The following TCF12 variants were observed in gnomAD, a reference collection of about 807,000 sequenced individuals.
TCF12 encodes transcription factor 12, also known as DNA-binding protein HTF4.
A neutral mutation model predicts 86.0 loss-of-function variants in TCF12; 45 were observed. The ratio of observed to expected loss-of-function variants is 0.52; its 90% CI spans 0.41 to 0.67. The LOEUF (loss-of-function observed/expected upper bound fraction) is 0.67. TCF12 is among the 30% of genes least tolerant of loss of function. The probability of loss-of-function intolerance (pLI) is 0.00; values close to 1 mark genes in which losing one functional copy is unlikely to be tolerated. For missense variants in TCF12, 881 were observed against 859.9 expected, an observed-to-expected ratio of 1.02 and a Z score of -0.31; for synonymous variants, 330 against 299.6, an observed-to-expected ratio of 1.10 and a Z score of -1.05.
intron 4 of TCF12, among the ~76,000 whole-genome samples, chr15:57,085,219 C>T (rs1475239540): frequency 6.6e-6 from 1 of 152,092 alleles, no homozygotes; most frequent in African/African-American, 2.4e-5. Flanking sequence ...ATGCTAGTCT[C>T]TTTTTGGATT....
chr15:57,269,441 T>C (rs1279871878), intron 18 of TCF12, among the ~76,000 whole-genome samples: 1 of 148,356 alleles, frequency 6.7e-6, no homozygotes, highest in Non-Finnish European at 1.5e-5. Context: ...ATTTTGAGCC[T>C]ATGTGTATCT....
chr15:57,015,640 G>A (rs535131816), intron 3 of TCF12, among the ~76,000 whole-genome samples: 1 of 152,306 alleles, frequency 6.6e-6, no homozygotes, highest in African/African-American at 2.4e-5. Context: ...TGTCTCTGGA[G>A]TGTCCATTTG....
intron 3 of TCF12, among the ~76,000 whole-genome samples, chr15:56,923,138 A>G (rs1167434148): frequency 6.6e-6 from 1 of 152,062 alleles, no homozygotes; most frequent in Non-Finnish European, 1.5e-5. Flanking sequence ...CATTTGACTT[A>G]TGAAAACTAG....
intron 3 of TCF12, among the ~76,000 whole-genome samples, chr15:56,954,000 T>C (rs57637767): frequency 0.014 from 2,067 of 152,136 alleles, 54 homozygotes; most frequent in African/African-American, 0.043. Context: ...AGGTACATTA[T>C]GAGGTCATCA....
rs561330662 is a variant in TCF12, at chr15:57,284,328, C to T, written c.*11+1730C>T. 4.6e-5 allele frequency among the ~76,000 whole-genome samples: 7 copies of T among 152,144 alleles called. No homozygotes were observed. In the South Asian group the frequency reaches 1.5e-3, roughly 32 times the overall value. On this transcript the variant is annotated intron_variant, in intron 20 of 20. Coordinates refer to ENST00000333725, the MANE Select transcript of TCF12 (RefSeq NM_207037.2). The stretch of plus-strand genomic sequence containing the variant: ...GTTTGAGCAATTCTTCCACCTCAGC[C>T]TCCTGAGTAGCTGGGATTACAGACA...
chr15:56,982,470 G>T (rs1490983556), intron 3 of TCF12, among the ~76,000 whole-genome samples: 3 of 152,152 alleles, frequency 2.0e-5, no homozygotes, highest in Non-Finnish European at 4.4e-5. Flanking sequence ...AATTGGTGCT[G>T]ACTCACTTTC....
intron 6 of TCF12, among the ~76,000 whole-genome samples, chr15:57,188,377 T>C (rs1458334536): frequency 1.3e-5 from 2 of 152,202 alleles, no homozygotes; most frequent in African/African-American, 4.8e-5. Context: ...GAACACTTAA[T>C]ATTAAGATGT....
chr15:57,210,505 T>G (rs7181399), intron 8 of TCF12, among the ~76,000 whole-genome samples: 2 of 151,858 alleles, frequency 1.3e-5, no homozygotes, highest in African/African-American at 4.8e-5. Flanking sequence ...TTATTTCTAT[T>G]TACATGGACA....
At chr15:57,156,982 A>C (rs913359173) in intron 5 of TCF12, among the ~76,000 whole-genome samples, 1 of 152,206 alleles carries the variant, frequency 6.6e-6, no homozygotes. Context: ...GAATACTGAG[A>C]TACATTAATG....
intron 3 of TCF12, among the ~76,000 whole-genome samples, chr15:56,951,140 G>A (rs1225404846): frequency 6.6e-6 from 1 of 152,066 alleles, no homozygotes; most frequent in African/African-American, 2.4e-5. Context: ...TGCCAAAGCG[G>A]TTGTATCATT....
chr15:57,144,277 C>A (rs1203534803), intron 5 of TCF12, among the ~76,000 whole-genome samples: 1 of 152,106 alleles, frequency 6.6e-6, no homozygotes, highest in African/African-American at 2.4e-5. Context: ...ATACGAGGCA[C>A]ATTCTAAGGA....
At chr15:56,945,880 G>T (rs1409272698) in intron 3 of TCF12, among the ~76,000 whole-genome samples, 4 of 152,150 alleles carry the variant, frequency 2.6e-5, no homozygotes, top group African/African-American at 7.2e-5. Context: ...AGTTATAAAA[G>T]TGGGTTTGGC....
Position 57,231,212 on chromosome 15 carries a change from C to G in TCF12, c.640C>G (p.Pro214Ala). The G allele has an allele frequency of 6.2e-7, 1 of 1,613,248 alleles. No homozygotes were observed. Among genetic ancestry groups the G allele is most frequent in the South Asian group, 1.1e-5 (1 of 91,060 alleles). Residue 214 changes from proline to alanine, a missense_variant, in exon 9 of 21, where the codon CCT becomes GCT. Transcript: ENST00000333725. ...CCGTGAATCTCCTAGTTATCCATCTCCTAAGCCACCAACCAGTATGTTCGC... is the reference window on the plus strand; with the variant it reads ...CCGTGAATCTCCTAGTTATCCATCTGCTAAGCCACCAACCAGTATGTTCGC... ...FNRESPSYPS[P>A]KPPTSMFAST...
chr15:56,963,189 A>T (rs1272302313), intron 3 of TCF12, among the ~76,000 whole-genome samples: 2 of 151,918 alleles, frequency 1.3e-5, no homozygotes, highest in Non-Finnish European at 2.9e-5. Flanking sequence ...TTTTGTGTTA[A>T]CTTGAAGACT....
At chr15:57,091,976 G>GT (rs1174796002) in intron 5 of TCF12, 85 bp downstream of exon 5, 10 of 1,111,502 alleles carry the variant, frequency 9.0e-6, no homozygotes, top group Non-Finnish European at 1.2e-5. Context: ...GGAGGGACAG[G>GT]TAAGTATCTA....
chr15:57,008,719 C>G (rs2064637211), intron 3 of TCF12, among the ~76,000 whole-genome samples: 1 of 152,180 alleles, frequency 6.6e-6, no homozygotes, highest in Non-Finnish European at 1.5e-5. Flanking sequence ...TCCATTCAAA[C>G]ATCCCACAGC....
At chr15:57,053,815 G>T (rs1293266582) in intron 3 of TCF12, among the ~76,000 whole-genome samples, 3 of 152,158 alleles carry the variant, frequency 2.0e-5, no homozygotes, top group Non-Finnish European at 4.4e-5. Context: ...AGAGATCAAA[G>T]AAATGAAGAA....
intron 18 of TCF12, among the ~76,000 whole-genome samples, chr15:57,270,360 G>A (rs2061078117): frequency 6.6e-6 from 1 of 152,110 alleles, no homozygotes; most frequent in Non-Finnish European, 1.5e-5. Context: ...AGCTATTGAA[G>A]CTTGTGTATG....
chr15:56,996,686 G>A (rs186261802), intron 3 of TCF12, among the ~76,000 whole-genome samples: 149 of 152,104 alleles, frequency 9.8e-4, no homozygotes, highest in African/African-American at 3.5e-3. Context: ...AACTATCAAG[G>A]GAGTAAACAG....
Sources: allele counts gnomAD v4.1 joint callset (sites outside exome capture counted in the v4.1 genomes callset), GRCh38; gene constraint gnomAD v4.1.1; transcripts MANE v1.5; gene names NCBI Gene and HGNC (gene_info 2026-07-23, HGNC 2026-07-21).